The following LCTL variants were observed in gnomAD, a reference collection of about 807,000 sequenced individuals.
LCTL encodes lactase like.
Under a neutral mutation model 75.8 loss-of-function variants are expected in LCTL, and 76 were observed. The observed-to-expected ratio is 1.00, with a 90% CI of 0.83 to 1.21. LCTL has a LOEUF of 1.21. Among genes scored for constraint, LCTL ranks in the 50% most tolerant of loss-of-function variants. The probability of loss-of-function intolerance (pLI) is 0.00; values close to 1 mark genes in which losing one functional copy is unlikely to be tolerated. For missense variants in LCTL, 670 were observed against 712.4 expected, an observed-to-expected ratio of 0.94 and a Z score of 0.68; for synonymous variants, 271 against 268.8, an observed-to-expected ratio of 1.01 and a Z score of -0.08.
intron 4 of LCTL, among the ~76,000 whole-genome samples, chr15:66,562,842 C>A (rs181365571): frequency 1.3e-5 from 2 of 152,170 alleles, no homozygotes; most frequent in African/African-American, 4.8e-5. Flanking sequence ...CCTCGGCCCC[C>A]CAAAGTGCTA....
At chr15:66,559,992 CAGG>C (rs938871084) in intron 6 of LCTL, among the ~76,000 whole-genome samples, 53 of 151,878 alleles carry the variant, frequency 3.5e-4, no homozygotes, top group African/African-American at 1.3e-3. Flanking sequence ...GAGAATGAGG[CAGG>C]AGAATGGCTT....
intron 2 of LCTL, chr15:66,564,199 A>G (rs1895964563): frequency 3.4e-6 from 2 of 588,960 alleles, no homozygotes; most frequent in Admixed American, 6.0e-5. Flanking sequence ...AAGAAAACGC[A>G]GGACAGGGAG....
intron 6 of LCTL, 113 bp from the exon 8 acceptor site, chr15:66,558,149 C>T: frequency 2.3e-6 from 2 of 862,216 alleles, no homozygotes; most frequent in Non-Finnish European, 3.5e-6. Context: ...TTCATCAATC[C>T]AGCCTTGTTT....
exon 1 of LCTL, chr15:66,565,313 C>T (rs1896000116): frequency 1.2e-6 from 2 of 1,613,820 alleles, no homozygotes; most frequent in African/African-American, 1.3e-5. Context: ...GGCCCCCAGC[C>T]TGGGCACCAG....
At chr15:66,559,090 T>C (rs1402063206) in intron 6 of LCTL, among the ~76,000 whole-genome samples, 2 of 151,400 alleles carry the variant, frequency 1.3e-5, no homozygotes, top group Non-Finnish European at 2.9e-5. Flanking sequence ...ATTAAACTCC[T>C]AGGCTCAAGT....
chr15:66,551,220 C>G (rs1895585415), intron 11 of LCTL, among the ~76,000 whole-genome samples: 1 of 151,022 alleles, frequency 6.6e-6, no homozygotes, highest in East Asian at 2.0e-4. Context: ...GGTGGCATGC[C>G]CCTGTAATCC....
chr15:66,547,586 GATAA>G (rs1488677737), exon 13 of LCTL: 2 of 151,980 alleles, frequency 1.3e-5, no homozygotes, highest in Non-Finnish European at 2.9e-5. Context: ...TTACCTAGAA[GATAA>G]ATAAAAAATA....
chr15:66,551,208 G>A (rs1481443607), intron 11 of LCTL, among the ~76,000 whole-genome samples: 1 of 151,568 alleles, frequency 6.6e-6, no homozygotes, highest in African/African-American at 2.4e-5. Flanking sequence ...TTAGCTGGGC[G>A]TGGTGGCATG....
At chr15:66,557,831 A>T in exon 8 of LCTL, 1 of 1,614,164 alleles carries the variant, frequency 6.2e-7, no homozygotes. Context: ...CCTTGGGGTT[A>T]CTAATGTCCA....
At position 66,564,664 on chromosome 15, in the gene LCTL, C is replaced by G. The variant is rs2140855764; in HGVS notation, c.282+12G>C. 1 of 1,610,336 alleles carries G rather than the reference C, an allele frequency of 6.2e-7. No homozygotes were observed. The highest frequency in any genetic ancestry group is 8.5e-7 in the Non-Finnish European group (1 of 1,179,718). On this transcript the variant is annotated intron_variant, in intron 2 of 12. Transcript: ENST00000341509. Reference sequence around the variant, plus strand: ...GCGCGCGCACACACACACACTCACACCCCGCACTCACCTGGACCTTGTAGT... The same window carrying G: ...GCGCGCGCACACACACACACTCACAGCCCGCACTCACCTGGACCTTGTAGT...
At chr15:66,563,532 T>G (rs1382043932) in exon 4 of LCTL, 3 of 1,611,468 alleles carry the variant, frequency 1.9e-6, no homozygotes, top group Middle Eastern at 2.1e-4. Context: ...CAGATCCCAG[T>G]GGTGCAAGGT....
intron 6 of LCTL, 24 bp from the exon 8 acceptor site, chr15:66,558,060 C>T (rs1477167437): frequency 1.2e-5 from 19 of 1,588,126 alleles, no homozygotes; most frequent in African/African-American, 2.7e-5. Context: ...AGAAATTCAT[C>T]GTAGGTACCT....
At chr15:66,553,739 A>G (rs1428546151) in intron 8 of LCTL, among the ~76,000 whole-genome samples, 3 of 147,284 alleles carry the variant, frequency 2.0e-5, no homozygotes, top group Non-Finnish European at 4.5e-5. Flanking sequence ...TGGGTGACAG[A>G]GCGAGACTCC....
chr15:66,553,089 G>T, exon 9 of LCTL: 1 of 1,610,366 alleles, frequency 6.2e-7, no homozygotes, highest in Non-Finnish European at 8.5e-7. Context: ...AGTCACGATC[G>T]TTCTGGTAGC....
chr15:66,564,905 G>A, intron 1 of LCTL, 66 bp from the exon 3 acceptor site: 1 of 1,502,168 alleles, frequency 6.7e-7, no homozygotes, highest in Non-Finnish European at 9.0e-7. Flanking sequence ...AGGACTCTGG[G>A]CTGTGCCTCC....
chr15:66,560,958 GCTGAGCTGACC>G, intron 6 of LCTL, 37 bp downstream of exon 7: 1 of 1,563,960 alleles, frequency 6.4e-7, no homozygotes, highest in South Asian at 1.1e-5. Flanking sequence ...CCTGGGGCAG[GCTGAGCTGACC>G]CTGAGGCTGT....
intron 4 of LCTL, among the ~76,000 whole-genome samples, chr15:66,563,171 A>G (rs1895936461): frequency 6.6e-6 from 1 of 152,204 alleles, no homozygotes; most frequent in South Asian, 2.1e-4. Flanking sequence ...CCTTATAAAA[A>G]GAGGGACACG....
chr15:66,562,380 A>G (rs1271518704), intron 4 of LCTL, among the ~76,000 whole-genome samples: 2 of 150,508 alleles, frequency 1.3e-5, no homozygotes, highest in African/African-American at 4.9e-5. Flanking sequence ...TCCAGCCTGG[A>G]CGACGAAGCA....
At chr15:66,560,906 C>G in intron 6 of LCTL, 100 bp downstream of exon 7, 1 of 998,974 alleles carries the variant, frequency 1.0e-6, no homozygotes, top group South Asian at 1.4e-5. Context: ...AGTATGCTGA[C>G]TCGGAGGTGG....
Sources: gnomAD v4.1 joint callset for allele counts (sites outside exome capture counted in the v4.1 genomes callset) on GRCh38, gnomAD v4.1.1 for gene constraint, MANE v1.5 for transcripts, NCBI Gene and HGNC (gene_info 2026-07-23, HGNC 2026-07-21) for gene names.